The following SORCS1 variants were observed in gnomAD, a reference collection of about 807,000 sequenced individuals.
SORCS1 encodes the protein sortilin related VPS10 domain containing receptor 1, also known as VPS10 domain-containing receptor SorCS1.
SORCS1 carries 60 observed loss-of-function variants against 146.1 expected under a neutral mutation model. The observed-to-expected ratio is 0.41, with a 90% confidence interval of 0.33 to 0.51. SORCS1 has a LOEUF of 0.51. SORCS1 is among the 20% of genes least tolerant of loss of function. The probability of loss-of-function intolerance (pLI) is 0.21; values close to 1 mark genes in which losing one functional copy is unlikely to be tolerated. For missense variants in SORCS1, 1,352 were observed against 1,487.6 expected (o/e 0.91, Z 1.50); for synonymous variants, 637 against 584.0 (o/e 1.09, Z -1.31).
At chr10:106,694,531 G>A (rs548167541) in intron 9 of SORCS1, among the ~76,000 whole-genome samples, 1 of 152,312 alleles carries the variant, frequency 6.6e-6, no homozygotes, top group East Asian at 1.9e-4. Context: ...ACAAGCATGA[G>A]CCACTGCACC....
chr10:106,663,055 T>G (rs1374404502), intron 17 of SORCS1, among the ~76,000 whole-genome samples: 1 of 152,204 alleles, frequency 6.6e-6, no homozygotes, highest in Non-Finnish European at 1.5e-5. Flanking sequence ...ATCTTTGTAT[T>G]ATTTGTATAA....
intron 2 of SORCS1, among the ~76,000 whole-genome samples, chr10:106,839,238 A>C (rs1948918388): frequency 6.6e-6 from 1 of 152,244 alleles, no homozygotes; most frequent in South Asian, 2.1e-4. Context: ...CAAACAGTCA[A>C]GCTGTGACTG....
At chr10:106,628,309 G>A (rs1162025335) in intron 19 of SORCS1, among the ~76,000 whole-genome samples, 1 of 152,172 alleles carries the variant, frequency 6.6e-6, no homozygotes, top group East Asian at 1.9e-4. Context: ...GATACTTTCT[G>A]TATTCAATTT....
intron 2 of SORCS1, among the ~76,000 whole-genome samples, chr10:106,894,974 T>C (rs1179873015): frequency 1.3e-5 from 2 of 152,186 alleles, no homozygotes; most frequent in African/African-American, 2.4e-5. Context: ...TACCCCAACA[T>C]ATTAGCTTTT....
At chr10:106,911,474 C>T (rs1399305114) in intron 2 of SORCS1, among the ~76,000 whole-genome samples, 1 of 151,998 alleles carries the variant, frequency 6.6e-6, no homozygotes, top group East Asian at 1.9e-4. Flanking sequence ...TTCAGTCACA[C>T]AGCCTCAGCC....
At chr10:106,994,063 CA>C (rs67408221) in intron 1 of SORCS1, among the ~76,000 whole-genome samples, 35 of 80,810 alleles carry the variant, frequency 4.3e-4, no homozygotes, top group African/African-American at 5.8e-4. Flanking sequence ...GACCCCATCT[CA>C]AAAAAAAAAA....
At chr10:107,178,829 T>C in the SORCS1 span, among the ~76,000 whole-genome samples, 4 of 151,306 alleles carry the variant, frequency 2.6e-5, no homozygotes, top group African/African-American at 9.7e-5. Flanking sequence ...TTTCATTGTA[T>C]ATATATACCA....
intron 1 of SORCS1, among the ~76,000 whole-genome samples, chr10:107,004,120 G>A (rs1402777249): frequency 7.1e-6 from 1 of 141,682 alleles, no homozygotes; most frequent in Non-Finnish European, 1.5e-5. Context: ...AGCTGGCACT[G>A]AGCCGAGATT....
At chr10:107,167,794 ATATT>A (rs1970087303), upstream of SORCS1, among the ~76,000 whole-genome samples, 1 of 151,914 alleles carries the variant, frequency 6.6e-6, no homozygotes, top group Non-Finnish European at 1.5e-5. Flanking sequence ...ATATGTATAT[ATATT>A]CATATATATG....
chr10:107,115,777 A>C (rs116264289), intron 1 of SORCS1, among the ~76,000 whole-genome samples: 1 of 152,058 alleles, frequency 6.6e-6, no homozygotes, highest in South Asian at 2.1e-4. Flanking sequence ...AAGCTTCTGC[A>C]CAACAAAGAA....
At chr10:106,716,342 A>T (rs1257846123) in intron 6 of SORCS1, among the ~76,000 whole-genome samples, 1 of 152,186 alleles carries the variant, frequency 6.6e-6, no homozygotes, top group African/African-American at 2.4e-5. Context: ...GACTCTGAGA[A>T]GGTCATCAAC....
intron 16 of SORCS1, among the ~76,000 whole-genome samples, chr10:106,670,190 G>C (rs1851481635): frequency 6.6e-6 from 1 of 152,308 alleles, no homozygotes; most frequent in South Asian, 2.1e-4. Flanking sequence ...AAAATATCAA[G>C]GGAGTTACCA....
intron 1 of SORCS1, among the ~76,000 whole-genome samples, chr10:107,079,329 T>C (rs941825653): frequency 2.6e-5 from 4 of 152,184 alleles, no homozygotes; most frequent in East Asian, 3.8e-4. Flanking sequence ...AAGAGTTCCA[T>C]GGATGTGCCA....
chr10:106,884,507 T>C (rs1197075369), intron 2 of SORCS1, among the ~76,000 whole-genome samples: 1 of 152,188 alleles, frequency 6.6e-6, no homozygotes, highest in African/African-American at 2.4e-5. Flanking sequence ...GCAATTGATC[T>C]ACATTTAAGA....
chr10:106,729,972 TATTACACAGACTCAGTTC>T (rs1856477831), intron 6 of SORCS1, 60 bp downstream of exon 6: 6 of 1,521,894 alleles, frequency 3.9e-6, no homozygotes, highest in Non-Finnish European at 5.5e-6. Context: ...ACCATGAGAT[TATTACACAGACTCAGTTC>T]ATGACAGAGT....
chr10:106,585,907 G>A (rs760622776), intron 24 of SORCS1, among the ~76,000 whole-genome samples: 17 of 152,260 alleles, frequency 1.1e-4, no homozygotes, highest in East Asian at 7.7e-4. Context: ...CAGCTGACCC[G>A]TAACATGTGA....
chr10:107,055,853 G>A (rs915338289), intron 1 of SORCS1, among the ~76,000 whole-genome samples: 3 of 152,180 alleles, frequency 2.0e-5, no homozygotes, highest in African/African-American at 7.2e-5. Context: ...ACAGAAACGA[G>A]GAGACATATT....
chr10:106,752,253 A>C lies in SORCS1; in HGVS notation c.959+9335T>G, dbSNP rs1294762954. 4.6e-5 allele frequency among the ~76,000 whole-genome samples: 7 copies of C among 152,312 alleles called. No homozygotes were observed. The East Asian group carries it at 1.4e-3, about 29-fold the overall frequency. ...ACATCATCACATTTAAATTCAGAGA[A>C]GAAAGAGATTTCTTTTGTCCCCAAA... On this transcript the variant is annotated intron_variant, in intron 5 of 25. Transcript: ENST00000263054.
chr10:107,023,928 G>A (rs184997173), intron 1 of SORCS1, among the ~76,000 whole-genome samples: 3 of 152,182 alleles, frequency 2.0e-5, no homozygotes, highest in African/African-American at 7.2e-5. Context: ...CTAAGGCTGG[G>A]TGACTTATAA....
Sources: gnomAD v4.1 joint callset for allele counts (sites outside exome capture counted in the v4.1 genomes callset) on GRCh38, gnomAD v4.1.1 for gene constraint, MANE v1.5 for transcripts, NCBI Gene and HGNC (gene_info 2026-07-23, HGNC 2026-07-21) for gene names.